DCTN6: variants seen among roughly 807,000 people sequenced by gnomAD.
The protein encoded by DCTN6 is dynactin subunit 6.
In DCTN6, 15 loss-of-function variants were observed where a neutral mutation model predicts 25.8. That is an observed-to-expected ratio of 0.58 (90% confidence interval 0.39 to 0.89). The LOEUF is 0.89. Ranked by LOEUF, DCTN6 falls within the 40% of genes least tolerant of loss-of-function variation. The probability of loss-of-function intolerance (pLI) is 0.00; values close to 1 mark genes in which losing one functional copy is unlikely to be tolerated. For synonymous variants in DCTN6, 64 were observed against 78.3 expected (o/e 0.82, Z 0.96); for missense variants, 198 against 237.6 (o/e 0.83, Z 1.09).
At chr8:30,158,265 G>T (rs1293155156) in intron 1 of DCTN6, among the ~76,000 whole-genome samples, 1 of 152,194 alleles carries the variant, frequency 6.6e-6, no homozygotes, top group Non-Finnish European at 1.5e-5. Context: ...GAAGGAAGCT[G>T]AGGAAATGGA....
At chr8:30,163,903 T>G (rs1803630670) in intron 1 of DCTN6, among the ~76,000 whole-genome samples, 1 of 152,136 alleles carries the variant, frequency 6.6e-6, no homozygotes, top group Non-Finnish European at 1.5e-5. Flanking sequence ...GGTTTCTTCA[T>G]GTTGGTAAGG....
intron 1 of DCTN6, among the ~76,000 whole-genome samples, chr8:30,161,562 C>T (rs1803594649): frequency 6.6e-6 from 1 of 152,240 alleles, no homozygotes; most frequent in African/African-American, 2.4e-5. Context: ...TATTCATGGG[C>T]TGATCCTGCT....
At chr8:30,164,292 C>CAAAAT (rs1417788605) in intron 2 of DCTN6, 117 bp downstream of exon 2, 3 of 791,070 alleles carry the variant, frequency 3.8e-6, no homozygotes, top group Non-Finnish European at 6.3e-6. Flanking sequence ...GTTTTATTGA[C>CAAAAT]AAAATAATGC....
chr8:30,175,063 C>A (rs765380098), intron 2 of DCTN6, 22 bp from the exon 3 acceptor site: 2 of 1,609,010 alleles, frequency 1.2e-6, no homozygotes, highest in African/African-American at 2.7e-5. Flanking sequence ...CCAATAATTT[C>A]TTCTCAAACT....
At chr8:30,156,859 C>A (rs1036538010) in intron 1 of DCTN6, among the ~76,000 whole-genome samples, 2 of 152,190 alleles carry the variant, frequency 1.3e-5, no homozygotes, top group African/African-American at 2.4e-5. Flanking sequence ...CCAGGCCCTT[C>A]CTGTCTCTGG....
At chr8:30,180,191 T>A (rs1046169170) in intron 5 of DCTN6, among the ~76,000 whole-genome samples, 5 of 152,228 alleles carry the variant, frequency 3.3e-5, no homozygotes, top group African/African-American at 1.2e-4. Flanking sequence ...TCACATTTAT[T>A]CCTTAAACTG....
At chr8:30,166,319 C>CTTTT (rs200865266) in intron 2 of DCTN6, among the ~76,000 whole-genome samples, 1 of 120,118 alleles carries the variant, frequency 8.3e-6, no homozygotes, top group Non-Finnish European at 1.8e-5. Flanking sequence ...TTTTTTCTTT[C>CTTTT]TTTTTTTTTT....
chr8:30,180,295 C>T (rs1001808326), intron 5 of DCTN6, among the ~76,000 whole-genome samples, 193 bp from the exon 6 acceptor site: 8 of 152,180 alleles, frequency 5.3e-5, no homozygotes, highest in African/African-American at 1.9e-4. Flanking sequence ...AGCAGAGCTC[C>T]ATTTTGAATT....
intron 2 of DCTN6, among the ~76,000 whole-genome samples, chr8:30,174,115 C>T (rs979235690): frequency 6.6e-6 from 1 of 152,172 alleles, no homozygotes; most frequent in Admixed American, 6.5e-5. Flanking sequence ...CCTCAGGGCT[C>T]CCCACGCCAA....
At chr8:30,166,359 G>T (rs1292075230) in intron 2 of DCTN6, among the ~76,000 whole-genome samples, 1 of 142,536 alleles carries the variant, frequency 7.0e-6, no homozygotes, top group Non-Finnish European at 1.5e-5. Flanking sequence ...ATTTTGCCAA[G>T]CTAGTCTTAA....
chr8:30,161,208 C>CT (rs1252796987), intron 1 of DCTN6, among the ~76,000 whole-genome samples: 1 of 152,168 alleles, frequency 6.6e-6, no homozygotes, highest in Admixed American at 6.5e-5. Context: ...AAGAAGGTGT[C>CT]TGCTTCCCCT....
chr8:30,162,667 TCAAA>T (rs1043443772), intron 1 of DCTN6, among the ~76,000 whole-genome samples: 2 of 152,156 alleles, frequency 1.3e-5, no homozygotes, highest in Admixed American at 1.3e-4. Flanking sequence ...TACAGCTTTG[TCAAA>T]CAAAAGATAA....
intron 2 of DCTN6, among the ~76,000 whole-genome samples, chr8:30,171,183 G>T (rs1803757961): frequency 6.6e-6 from 1 of 151,966 alleles, no homozygotes. Context: ...TAGTGTCTCT[G>T]GCTACTTATC....
intron 6 of DCTN6, among the ~76,000 whole-genome samples, chr8:30,182,315 T>C (rs1433219688): frequency 6.6e-6 from 1 of 152,170 alleles, no homozygotes. Flanking sequence ...CAGTGAGTTT[T>C]ACAATCAGGA....
intron 1 of DCTN6, among the ~76,000 whole-genome samples, chr8:30,161,321 A>G (rs552251061): frequency 6.6e-6 from 1 of 152,260 alleles, no homozygotes; most frequent in Non-Finnish European, 1.5e-5. Context: ...TTCTCAGGGA[A>G]GTTCTGTAGA....
chr8:30,164,933 TAAGAC>T (rs1047949073), intron 2 of DCTN6, among the ~76,000 whole-genome samples: 3 of 152,220 alleles, frequency 2.0e-5, no homozygotes, highest in African/African-American at 7.2e-5. Flanking sequence ...GTCTCATGGC[TAAGAC>T]AATCTCATGG....
At chr8:30,166,806 G>A (rs1332232756) in intron 2 of DCTN6, among the ~76,000 whole-genome samples, 1 of 151,988 alleles carries the variant, frequency 6.6e-6, no homozygotes, top group African/African-American at 2.4e-5. Context: ...ATTATTTAAG[G>A]AAGTACAGGC....
At chr8:30,157,223 G>A (rs748055456) in intron 1 of DCTN6, among the ~76,000 whole-genome samples, 1 of 152,150 alleles carries the variant, frequency 6.6e-6, no homozygotes, top group Non-Finnish European at 1.5e-5. Flanking sequence ...ATCGCGTAAG[G>A]TAATGGCCTC....
At chr8:30,173,564 G>A (rs944998403) in intron 2 of DCTN6, among the ~76,000 whole-genome samples, 3 of 151,682 alleles carry the variant, frequency 2.0e-5, no homozygotes, top group African/African-American at 7.3e-5. Context: ...AACATAGTGA[G>A]ACCCCATCTC....
Sources: gnomAD v4.1 joint callset for allele counts (sites outside exome capture counted in the v4.1 genomes callset) on GRCh38, gnomAD v4.1.1 for gene constraint, MANE v1.5 for transcripts, NCBI Gene and HGNC (gene_info 2026-07-23, HGNC 2026-07-21) for gene names.